The following PPL variants were observed in gnomAD, a reference collection of about 807,000 sequenced individuals.
The protein encoded by PPL is periplakin.
A neutral mutation model predicts 194.4 loss-of-function variants in PPL; 198 were observed. The ratio of observed to expected loss-of-function variants is 1.02; its 90% CI spans 0.91 to 1.15. PPL has a LOEUF of 1.15. Among genes scored for constraint, PPL ranks in the 50% most tolerant of loss-of-function variants. The pLI is 0.00. For missense variants in PPL, 2,885 were observed against 2,294.8 expected, an observed-to-expected ratio of 1.26 and a Z score of -5.25; for synonymous variants, 1,220 against 972.4, an observed-to-expected ratio of 1.25 and a Z score of -4.74.
chr16:4,910,627 C>T lies in PPL; in HGVS notation c.162+223G>A, dbSNP rs117742677. Among the ~76,000 whole-genome samples the T allele has an allele frequency of 0.032, 4,847 of 152,270 alleles. 107 individuals carry two copies. The highest frequency in any genetic ancestry group is 0.088 in the South Asian group (426 of 4,818). ...GCTTCCTGACCTTGGCACCCCTGCCCTACAGTGCACGGTAGGGTGTTCAGC... is the reference window on the plus strand; with the variant it reads ...GCTTCCTGACCTTGGCACCCCTGCCTTACAGTGCACGGTAGGGTGTTCAGC... On this transcript the variant is annotated intron_variant, in intron 2 of 21. Coordinates refer to ENST00000345988, the MANE Select transcript of PPL (RefSeq NM_002705.5).
At chr16:4,936,397 T>G (rs1596596694) in intron 1 of PPL, among the ~76,000 whole-genome samples, 1 of 151,920 alleles carries the variant, frequency 6.6e-6, no homozygotes, top group South Asian at 2.1e-4. Flanking sequence ...GGGTGGCAGG[T>G]GCCGGGAAGT....
At chr16:4,933,725 G>A (rs1007775712) in intron 1 of PPL, among the ~76,000 whole-genome samples, 9 of 152,116 alleles carry the variant, frequency 5.9e-5, no homozygotes, top group Non-Finnish European at 8.8e-5. Context: ...TCTTATCTCT[G>A]TGATGTGACT....
At chr16:4,929,928 T>C (rs1322764965) in intron 1 of PPL, among the ~76,000 whole-genome samples, 2 of 151,900 alleles carry the variant, frequency 1.3e-5, no homozygotes, top group Non-Finnish European at 2.9e-5. Context: ...CCTCAAGTCA[T>C]CCTCCCGCCT....
chr16:4,931,318 C>A (rs774747477), intron 1 of PPL, among the ~76,000 whole-genome samples: 2 of 152,092 alleles, frequency 1.3e-5, no homozygotes, highest in Non-Finnish European at 2.9e-5. Flanking sequence ...GAGCTATGAT[C>A]GCACCACTGC....
chr16:4,893,979 G>C (rs1050643532), intron 12 of PPL, among the ~76,000 whole-genome samples: 12 of 152,142 alleles, frequency 7.9e-5, no homozygotes, highest in African/African-American at 2.7e-4. Context: ...ATTCAGCAAG[G>C]AGTTCCTGGG....
chr16:4,923,663 C>A (rs1180227543), intron 1 of PPL, among the ~76,000 whole-genome samples: 2 of 152,016 alleles, frequency 1.3e-5, no homozygotes, highest in African/African-American at 4.8e-5. Flanking sequence ...TGTGTTGTGG[C>A]TCTAACCCAG....
At chr16:4,926,266 A>G (rs1177206886) in intron 1 of PPL, among the ~76,000 whole-genome samples, 1 of 152,158 alleles carries the variant, frequency 6.6e-6, no homozygotes, top group African/African-American at 2.4e-5. Flanking sequence ...TGCAGCCCCA[A>G]CTGGGCACTT....
intron 13 of PPL, 47 bp downstream of exon 13, chr16:4,893,494 C>T (rs2088359859): frequency 6.2e-7 from 1 of 1,604,082 alleles, no homozygotes. Context: ...TCCAGCCCCT[C>T]CTCCCCGGTA....
chr16:4,896,611 A>G (rs540164785), intron 9 of PPL, among the ~76,000 whole-genome samples: 1 of 151,932 alleles, frequency 6.6e-6, no homozygotes, highest in African/African-American at 2.4e-5. Flanking sequence ...TGGGAATGGA[A>G]AACTTACTGC....
intron 1 of PPL, among the ~76,000 whole-genome samples, chr16:4,912,305 C>T (rs1257825669): frequency 6.6e-6 from 1 of 152,256 alleles, no homozygotes; most frequent in Non-Finnish European, 1.5e-5. Flanking sequence ...AATCACACAA[C>T]ACGTGGCCTT....
chr16:4,923,797 A>G (rs919803977), intron 1 of PPL, among the ~76,000 whole-genome samples: 1 of 152,050 alleles, frequency 6.6e-6, no homozygotes, highest in African/African-American at 2.4e-5. Flanking sequence ...CTTATAAATG[A>G]AAGCGCTTTG....
intron 1 of PPL, among the ~76,000 whole-genome samples, chr16:4,924,562 C>T (rs1568056640): frequency 1.3e-5 from 2 of 152,228 alleles, no homozygotes. Flanking sequence ...AACCCCGTGA[C>T]TCCTCCTGCC....
In PPL at chr16:4,888,738, A is replaced by G. The variant is rs568606243; in HGVS notation, c.2397+240T>C. The stretch of plus-strand genomic sequence containing the variant: ...TTTTTTTTTTTGTACTTTTTCCTTA[A>G]GGATAAATTCCCCCAAAGTGTTTAC... On this transcript the variant is annotated intron_variant, in intron 19 of 21. Transcript: ENST00000345988. 9.1e-5 allele frequency: 43 copies of G among 470,154 alleles called. 1 individual carries two copies. In the South Asian group the frequency reaches 2.2e-3, roughly 24 times the overall value. 29.1% of individuals were successfully genotyped at this position (470,154 alleles called of 1,614,324 possible).
intron 6 of PPL, among the ~76,000 whole-genome samples, 183 bp from the exon 7 acceptor site, chr16:4,899,567 C>T (rs935775282): frequency 1.1e-3 from 134 of 127,030 alleles, no homozygotes; most frequent in Middle Eastern, 3.9e-3. Context: ...GTCACCTGAA[C>T]CCCTGAAACT....
Position 4,885,736 on chromosome 16 carries a change from T to C in PPL, c.2919A>G (p.Ala973=). The C allele has an allele frequency of 6.2e-7, 1 of 1,613,030 alleles. No individual in the cohort carries two copies. The highest frequency in any genetic ancestry group is 8.5e-7 in the Non-Finnish European group (1 of 1,179,898). The part of the protein sequence containing the change: ...KNQLLQEELE[A]LQLQLRALEQ... ...CCAGGGCACGCAGCTGCAGCTGCAG[T>C]GCCTCCAGCTCCTCCTGCAGCAGCT... The change falls in exon 22 of 22, where the codon GCA becomes GCG. Residue 973 remains alanine (A), a synonymous_variant. Coordinates refer to ENST00000345988, the MANE Select transcript of PPL (RefSeq NM_002705.5). This position sits in a 1 kb window ranked among gnomAD's most constrained non-coding sequence, Gnocchi z 6.3.
chr16:4,903,201 T>C (rs949022384), intron 3 of PPL, among the ~76,000 whole-genome samples: 7 of 150,382 alleles, frequency 4.7e-5, no homozygotes, highest in Admixed American at 4.6e-4. Flanking sequence ...GGGGTGGAGA[T>C]AGGGCATGGG....
rs182628867 is a variant in PPL at position 4,906,483 on chromosome 16, C to T, written c.163-2443G>A. 9.3e-4 allele frequency among the ~76,000 whole-genome samples: 141 copies of T among 152,288 alleles called. 4 individuals carry two copies. In the East Asian group the frequency reaches 0.027, roughly 29 times the overall value. ...CTCGTGATCCACCCGCCTCGGCCTC[C>T]CAAAGTTCTGGGATTACAGGCGTGA... On this transcript the variant is annotated intron_variant, in intron 2 of 21. Transcript: ENST00000345988.
At chr16:4,894,069 TACGCTAGTC>T (rs2088371931) in intron 12 of PPL, among the ~76,000 whole-genome samples, 1 of 152,192 alleles carries the variant, frequency 6.6e-6, no homozygotes, top group Non-Finnish European at 1.5e-5. Context: ...GACTGACGCA[TACGCTAGTC>T]ACTTAATAAA....
rs554976528 is a variant in PPL at position 4,899,455 on chromosome 16, C to T, written c.607-71G>A. On this transcript the variant is annotated intron_variant, in intron 6 of 21. Transcript: ENST00000345988. ...CCACTGCTCGCTTCCTTCCCTACCT[C>T]CTGCAGGGCCCAGCTATGGCTGGCC... is the stretch of plus-strand genomic sequence containing the variant. 218 of 896,000 alleles carry T rather than the reference C, an allele frequency of 2.4e-4. No homozygotes were observed. The South Asian group carries it at 3.8e-3, about 16-fold the overall frequency. The allele number at this position is 896,000 out of a possible 1,614,324, so 55.5% of individuals were successfully genotyped here.
Sources: gnomAD v4.1 joint callset for allele counts (sites outside exome capture counted in the v4.1 genomes callset) on GRCh38, gnomAD v4.1.1 for gene constraint, Gnocchi (gnomAD v3.1) non-coding constraint, MANE v1.5 for transcripts, NCBI Gene and HGNC (gene_info 2026-07-23, HGNC 2026-07-21) for gene names.